Variants in SMURF1 observed in about 807,000 individuals in gnomAD.
SMURF1 encodes the protein E3 ubiquitin-protein ligase SMURF1.
SMURF1 carries 44 observed loss-of-function variants against 98.0 expected under a neutral mutation model. The observed-to-expected ratio is 0.45, with a 90% CI of 0.35 to 0.58. The LOEUF is 0.58. SMURF1 is among the 20% of genes least tolerant of loss of function. The probability of loss-of-function intolerance (pLI) is 0.00; values close to 1 mark genes in which losing one functional copy is unlikely to be tolerated. For missense variants in SMURF1, 687 were observed against 938.4 expected (o/e 0.73, Z 3.50); for synonymous variants, 396 against 374.9 (o/e 1.06, Z -0.65).
At chr7:99,084,891 T>C (rs543732632) in intron 1 of SMURF1, among the ~76,000 whole-genome samples, 9 of 152,290 alleles carry the variant, frequency 5.9e-5, no homozygotes, top group African/African-American at 2.2e-4. Context: ...GGTGGGGTTC[T>C]CATGAATGAT....
chr7:99,099,599 G>C (rs777241165), intron 1 of SMURF1, among the ~76,000 whole-genome samples: 3 of 152,106 alleles, frequency 2.0e-5, no homozygotes, highest in Admixed American at 6.5e-5. Flanking sequence ...TCCCCACTGT[G>C]GCAGCGGTGG....
chr7:99,127,825 T>C (rs188341140), intron 1 of SMURF1, among the ~76,000 whole-genome samples: 3 of 152,242 alleles, frequency 2.0e-5, no homozygotes, highest in Admixed American at 2.0e-4. Context: ...TGTGACAAAA[T>C]CATATCCTTT....
At chr7:99,130,514 T>C (rs907996490) in intron 1 of SMURF1, among the ~76,000 whole-genome samples, 1 of 152,136 alleles carries the variant, frequency 6.6e-6, no homozygotes, top group African/African-American at 2.4e-5. Flanking sequence ...CATTCTGCAA[T>C]ACAAATTGAC....
intron 12 of SMURF1, 129 bp from the exon 13 acceptor site, chr7:99,040,685 C>T (rs1795341778): frequency 2.5e-6 from 2 of 789,996 alleles, no homozygotes; most frequent in Non-Finnish European, 3.5e-6. Flanking sequence ...CAGGGACTCA[C>T]AGGCCCCGCT....
intron 3 of SMURF1, among the ~76,000 whole-genome samples, chr7:99,059,030 G>A (rs10277894): frequency 0.6 from 91,255 of 152,084 alleles, 30,087 homozygotes; most frequent in African/African-American, 0.9. Context: ...GTTGCGGTGA[G>A]CCAAGATTGC....
At chr7:99,089,219 G>T (rs1009853921) in intron 1 of SMURF1, among the ~76,000 whole-genome samples, 8 of 150,130 alleles carry the variant, frequency 5.3e-5, no homozygotes, top group Non-Finnish European at 7.4e-5. Context: ...AAAAAAGAAA[G>T]AAATCAATCA....
At chr7:99,037,594 C>G (rs112409045) in intron 14 of SMURF1, among the ~76,000 whole-genome samples, 3 of 152,222 alleles carry the variant, frequency 2.0e-5, no homozygotes, top group African/African-American at 7.2e-5. Flanking sequence ...CTGAGCCCCC[C>G]ACTCCCCGGA....
chr7:99,114,515 A>C (rs1463368692), intron 1 of SMURF1, among the ~76,000 whole-genome samples: 2 of 152,208 alleles, frequency 1.3e-5, no homozygotes, highest in African/African-American at 2.4e-5. Flanking sequence ...ATATGAGGAA[A>C]AAAACTAACA....
chr7:99,051,025 GAAAGGGT>G (rs1795739705), intron 8 of SMURF1: 1 of 1,517,920 alleles, frequency 6.6e-7, no homozygotes, highest in Non-Finnish European at 8.9e-7. Context: ...GTAGAAGAGA[GAAAGGGT>G]AACAGAGTCT....
In SMURF1 at chr7:99,042,104, T is replaced by C; in HGVS notation, c.1371+14A>G. 1 of 1,589,418 alleles carries C rather than the reference T, an allele frequency of 6.3e-7. No individual in the cohort carries two copies. Among genetic ancestry groups the C allele is most frequent in the East Asian group, 2.2e-5 (1 of 44,762 alleles). On this transcript the variant is annotated intron_variant, in intron 12 of 17. Coordinates refer to ENST00000361368, the MANE Select transcript of SMURF1 (RefSeq NM_181349.3). ...CCAACTCAATTCCCTACCTCTTTGT[T>C]CATTCATACTTACGGGGTTGATTGA...
Position 99,030,602 on chromosome 7 carries a change from G to A in SMURF1, c.2178C>T (p.Cys726=), listed in dbSNP as rs576633613. ...TTGCTTTTCACTCCACAGCAAACCC[G>A]CAGGTCTCCTCCACGGCTGTCAGCA... The part of the protein sequence containing the change: ...EKLLTAVEET[C]GFAVE Residue 726 remains cysteine, a synonymous_variant, in exon 18 of 18, where the codon TGC becomes TGT. Transcript: ENST00000361368. 193 of 1,614,128 alleles carry A rather than the reference G, an allele frequency of 1.2e-4. No individual in the cohort carries two copies. Among genetic ancestry groups the A allele is most frequent in the Non-Finnish European group, 1.3e-4 (158 of 1,180,000 alleles).
At chr7:99,049,495 A>AG in intron 9 of SMURF1, 68 bp downstream of exon 9, 1 of 1,485,830 alleles carries the variant, frequency 6.7e-7, no homozygotes, top group Non-Finnish European at 9.2e-7. Flanking sequence ...ATTCACAAAA[A>AG]TACCAGTCCA....
Position 99,060,696 on chromosome 7 carries a change from G to A in SMURF1, c.106C>T (p.Pro36Ser). Residue 36 changes from proline (P) to serine (S), a missense_variant, in exon 3 of 18, where the codon CCT (proline) becomes TCT (serine). By Grantham distance (74) the Pro-to-Ser change is moderately conservative. Around this residue, in one of 2 missense-constraint regions of SMURF1, gnomAD observed 415 missense variants for 508.4 expected, o/e 0.82. Coordinates refer to ENST00000361368, the MANE Select transcript of SMURF1 (RefSeq NM_181349.3). ...AKKDFFRLPDPFAKIVVDGSG... is the reference protein window; with the variant it reads ...AKKDFFRLPDSFAKIVVDGSG... ...CCATCCACGACAATCTTTGCAAAAGGGTCAGGGAGCCCTAGAGGAGAGAGG... is the reference window on the plus strand; with the variant it reads ...CCATCCACGACAATCTTTGCAAAAGAGTCAGGGAGCCCTAGAGGAGAGAGG... 1.9e-6 allele frequency: 3 copies of A among 1,613,278 alleles called. No individual in the cohort carries two copies. The highest frequency in any genetic ancestry group is 2.5e-6 in the Non-Finnish European group (3 of 1,179,630).
intron 1 of SMURF1, among the ~76,000 whole-genome samples, chr7:99,108,520 G>A (rs565075639): frequency 7.0e-6 from 1 of 143,860 alleles, no homozygotes; most frequent in African/African-American, 2.5e-5. Context: ...GCTGAGGCAG[G>A]AGGATCGCTT....
chr7:99,060,949 G>A (rs1333248174), intron 2 of SMURF1, among the ~76,000 whole-genome samples: 1 of 151,698 alleles, frequency 6.6e-6, no homozygotes, highest in Non-Finnish European at 1.5e-5. Context: ...GGCTAATTAA[G>A]TGGAGGGAAA....
At chr7:99,039,128 G>C (rs1795268288) in intron 13 of SMURF1, among the ~76,000 whole-genome samples, 1 of 147,256 alleles carries the variant, frequency 6.8e-6, no homozygotes, top group Non-Finnish European at 1.5e-5. Context: ...GGGAGGTGGA[G>C]GTTGCGTTGA....
intron 1 of SMURF1, among the ~76,000 whole-genome samples, chr7:99,113,837 T>TAAAAAAAAAAAAAAA (rs71118659): frequency 2.9e-5 from 1 of 33,950 alleles, no homozygotes; most frequent in African/African-American, 1.5e-4. Context: ...AGACTCCGTC[T>TAAAAAAAAAAAAAAA]AAAAAAAAAA....
intron 1 of SMURF1, among the ~76,000 whole-genome samples, chr7:99,063,248 T>C (rs1796088768): frequency 4.3e-4 from 1 of 2,306 alleles, no homozygotes; most frequent in Non-Finnish European, 1.2e-3. Context: ...TATTTATATA[T>C]ATATATATAT....
At chr7:99,039,840 T>G (rs1795304874) in intron 13 of SMURF1, among the ~76,000 whole-genome samples, 1 of 152,238 alleles carries the variant, frequency 6.6e-6, no homozygotes, top group African/African-American at 2.4e-5. Flanking sequence ...TCACGGTTCA[T>G]CTTGTCACTG....
Sources: gnomAD v4.1 joint callset for allele counts (sites outside exome capture counted in the v4.1 genomes callset) on GRCh38, gnomAD v4.1.1 for gene constraint, gnomAD v4.1.1 regional missense constraint, MANE v1.5 for transcripts, NCBI Gene and HGNC (gene_info 2026-07-23, HGNC 2026-07-21) for gene names.